Variants in EVA1A observed in about 807,000 individuals in gnomAD.
EVA1A encodes the protein eva-1 homolog A, regulator of programmed cell death, also known as protein eva-1 homolog A.
In EVA1A, 7 loss-of-function variants were observed where a neutral mutation model predicts 9.8. That is an observed-to-expected ratio of 0.71 (90% CI 0.41 to 1.34). The LOEUF is 1.34. Among genes scored for constraint, EVA1A ranks in the 40% most tolerant of loss-of-function variants. The pLI, the probability that EVA1A is intolerant of heterozygous loss-of-function variation, is 0.01. For missense variants in EVA1A, 206 were observed against 205.9 expected, an observed-to-expected ratio of 1.00 and a Z score of 0.00; for synonymous variants, 90 against 85.6, an observed-to-expected ratio of 1.05 and a Z score of -0.28.
chr2:75,552,588 CACA>C (rs1676563671), intron 1 of EVA1A, among the ~76,000 whole-genome samples: 1 of 152,178 alleles, frequency 6.6e-6, no homozygotes, highest in South Asian at 2.1e-4. Context: ...GATAGTAAGT[CACA>C]ACAATATTAA....
chr2:75,560,354 C>T (rs553008686), intron 1 of EVA1A, among the ~76,000 whole-genome samples: 1 of 152,290 alleles, frequency 6.6e-6, no homozygotes, highest in Admixed American at 6.5e-5. Context: ...AGGAGAGAAG[C>T]GCTAGATTTG....
upstream of EVA1A, among the ~76,000 whole-genome samples, chr2:75,563,707 A>G (rs917890527): frequency 3.3e-5 from 5 of 152,188 alleles, no homozygotes; most frequent in African/African-American, 1.2e-4. Flanking sequence ...GTTCCTGTCT[A>G]CCACCTCTGC....
rs144714098 is a variant in EVA1A at position 75,553,291 on chromosome 2, C to T, written c.-192+7389G>A. Among the ~76,000 whole-genome samples, 741 of 152,322 alleles carry T rather than the reference C, an allele frequency of 4.9e-3. 7 individuals are homozygous for T. The highest frequency in any genetic ancestry group is 0.017 in the African/African-American group (716 of 41,566). ...GGTGCACATAGCACCCTGTGATTGCCTCTAGTGTGGTACTTTAGGGTAGTA... is the reference window on the plus strand; with the variant it reads ...GGTGCACATAGCACCCTGTGATTGCTTCTAGTGTGGTACTTTAGGGTAGTA... On this transcript the variant is annotated intron_variant, in intron 1 of 3. Coordinates refer to ENST00000393913, the MANE Select transcript of EVA1A (RefSeq NM_001135032.2).
chr2:75,508,587 C>T (rs1674701237), intron 3 of EVA1A, among the ~76,000 whole-genome samples: 1 of 152,128 alleles, frequency 6.6e-6, no homozygotes, highest in South Asian at 2.1e-4. Flanking sequence ...TTTAATTTCG[C>T]CCCAGTCCTG....
intron 1 of EVA1A, among the ~76,000 whole-genome samples, chr2:75,542,880 A>T (rs970927893): frequency 1.3e-5 from 2 of 152,184 alleles, no homozygotes; most frequent in Admixed American, 6.5e-5. Context: ...TTGTGACTCC[A>T]GGGTAATAGT....
At chr2:75,559,890 C>T (rs1676862346) in intron 1 of EVA1A, among the ~76,000 whole-genome samples, 1 of 152,104 alleles carries the variant, frequency 6.6e-6, no homozygotes, top group South Asian at 2.1e-4. Flanking sequence ...AGAGTCCCTA[C>T]ACACAGGCTT....
chr2:75,562,170 C>A (rs918437960), upstream of EVA1A, among the ~76,000 whole-genome samples: 5 of 152,298 alleles, frequency 3.3e-5, no homozygotes, highest in African/African-American at 9.6e-5. Context: ...GCTGCTAGAC[C>A]ACTGACTGTA....
chr2:75,497,059 T>C (rs1674237589), intron 3 of EVA1A, among the ~76,000 whole-genome samples: 1 of 152,174 alleles, frequency 6.6e-6, no homozygotes, highest in Non-Finnish European at 1.5e-5. Flanking sequence ...AAGACTTAAG[T>C]GTAAGACCTA....
chr2:75,536,995 G>C (rs762718017), intron 1 of EVA1A, among the ~76,000 whole-genome samples: 6 of 151,996 alleles, frequency 3.9e-5, no homozygotes, highest in Non-Finnish European at 7.4e-5. Flanking sequence ...CCCAGACAAA[G>C]ATAGTGCAAA....
At chr2:75,494,006 C>G (rs565218048) in intron 3 of EVA1A, among the ~76,000 whole-genome samples, 6 of 152,294 alleles carry the variant, frequency 3.9e-5, no homozygotes, top group Admixed American at 1.3e-4. Flanking sequence ...TGCTCATACA[C>G]CCCCACTGAA....
intron 3 of EVA1A, among the ~76,000 whole-genome samples, chr2:75,512,143 T>C (rs1188172981): frequency 6.6e-6 from 1 of 152,132 alleles, no homozygotes; most frequent in Non-Finnish European, 1.5e-5. Context: ...ATATGCTAAA[T>C]ATTCAAATCA....
chr2:75,561,797 A>G (rs909822531), upstream of EVA1A, among the ~76,000 whole-genome samples: 8 of 152,172 alleles, frequency 5.3e-5, no homozygotes, highest in Non-Finnish European at 1.2e-4. Flanking sequence ...GGTGGGGAAC[A>G]GGGAGGAAAA....
At chr2:75,546,048 C>A (rs1481077045) in intron 1 of EVA1A, among the ~76,000 whole-genome samples, 7 of 152,036 alleles carry the variant, frequency 4.6e-5, no homozygotes, top group Non-Finnish European at 7.4e-5. Flanking sequence ...ATGAGTGAGG[C>A]ACAAAGTGAA....
At chr2:75,496,994 T>C (rs1388095155) in intron 3 of EVA1A, among the ~76,000 whole-genome samples, 1 of 152,180 alleles carries the variant, frequency 6.6e-6, no homozygotes, top group Admixed American at 6.5e-5. Context: ...ATGCAGAAGA[T>C]TGAACCTGGA....
intron 1 of EVA1A, among the ~76,000 whole-genome samples, chr2:75,544,432 A>T (rs767884833): frequency 3.3e-5 from 5 of 152,220 alleles, no homozygotes; most frequent in Non-Finnish European, 7.3e-5. Context: ...TAGCATGCTT[A>T]TTTTGATGTT....
chr2:75,527,469 C>T (rs1268686336), intron 1 of EVA1A, among the ~76,000 whole-genome samples: 1 of 152,216 alleles, frequency 6.6e-6, no homozygotes, highest in African/African-American at 2.4e-5. Flanking sequence ...TCAGGACTCT[C>T]ATCACTACCA....
At chr2:75,525,156 A>G (rs959156802) in intron 1 of EVA1A, among the ~76,000 whole-genome samples, 1 of 152,106 alleles carries the variant, frequency 6.6e-6, no homozygotes, top group Non-Finnish European at 1.5e-5. Context: ...GTGTACATGA[A>G]TATCTATTGT....
chr2:75,550,541 A>G (rs778299430), intron 1 of EVA1A, among the ~76,000 whole-genome samples: 6 of 152,232 alleles, frequency 3.9e-5, no homozygotes, highest in Non-Finnish European at 1.5e-5. Flanking sequence ...AATACTTTGA[A>G]GGCAAATTGA....
intron 1 of EVA1A, among the ~76,000 whole-genome samples, chr2:75,525,156 A>C (rs959156802): frequency 2.0e-5 from 3 of 152,106 alleles, no homozygotes; most frequent in Non-Finnish European, 2.9e-5. Context: ...GTGTACATGA[A>C]TATCTATTGT....
Sources: allele counts gnomAD v4.1 joint callset (sites outside exome capture counted in the v4.1 genomes callset), GRCh38; gene constraint gnomAD v4.1.1; transcripts MANE v1.5; gene names NCBI Gene and HGNC (gene_info 2026-07-23, HGNC 2026-07-21).